Variants in CSMD1 observed in about 807,000 individuals in gnomAD.
CSMD1 encodes CUB and sushi domain-containing protein 1.
In CSMD1, 213 loss-of-function variants were observed where a neutral mutation model predicts 417.5. The ratio of observed to expected loss-of-function variants is 0.51; its 90% CI spans 0.46 to 0.57. The LOEUF is 0.57. CSMD1 is among the 20% of genes least tolerant of loss of function. CSMD1 has a pLI of 0.00. For missense variants in CSMD1, 6,923 were observed against 4,529.7 expected (o/e 1.53, Z -15.17); for synonymous variants, 2,862 against 1,736.8 (o/e 1.65, Z -16.11).
At chr8:4,317,983 T>C (rs1466002212) in intron 3 of CSMD1, among the ~76,000 whole-genome samples, 1 of 152,160 alleles carries the variant, frequency 6.6e-6, no homozygotes, top group Non-Finnish European at 1.5e-5. Flanking sequence ...TAATAGTTAT[T>C]GAATAAATAT....
intron 5 of CSMD1, 123 bp from the exon 6 acceptor site, chr8:3,754,165 C>A: frequency 1.8e-6 from 1 of 567,818 alleles, no homozygotes; most frequent in Non-Finnish European, 3.2e-6. Flanking sequence ...AAACAGAGGC[C>A]ATGTATTAAT....
At chr8:3,315,789 C>G (rs574485080) in intron 23 of CSMD1, among the ~76,000 whole-genome samples, 4 of 152,112 alleles carry the variant, frequency 2.6e-5, no homozygotes, top group Non-Finnish European at 5.9e-5. Flanking sequence ...TTGGAACTGT[C>G]TTATTTTTTA....
intron 3 of CSMD1, among the ~76,000 whole-genome samples, chr8:4,281,275 G>A (rs537242999): frequency 1.2e-4 from 19 of 152,322 alleles, no homozygotes; most frequent in Admixed American, 7.8e-4. Flanking sequence ...ACAGCATTAT[G>A]GGAAAATAGA....
At chr8:3,810,386 G>C (rs1228277762) in intron 5 of CSMD1, among the ~76,000 whole-genome samples, 1 of 152,142 alleles carries the variant, frequency 6.6e-6, no homozygotes, top group African/African-American at 2.4e-5. Context: ...GAAATATGGT[G>C]ACCCTTCAGG....
chr8:4,512,060 A>G (rs1802851675), intron 2 of CSMD1, among the ~76,000 whole-genome samples: 1 of 152,206 alleles, frequency 6.6e-6, no homozygotes, highest in Non-Finnish European at 1.5e-5. Context: ...TAGCAAAATA[A>G]ATTCAACAAC....
intron 12 of CSMD1, among the ~76,000 whole-genome samples, chr8:3,411,223 T>G (rs1331748513): frequency 6.6e-6 from 1 of 152,148 alleles, no homozygotes; most frequent in Non-Finnish European, 1.5e-5. Context: ...AAATTCAGGG[T>G]GGTTTCTCTG....
intron 10 of CSMD1, among the ~76,000 whole-genome samples, chr8:3,554,080 A>T (rs1433443537): frequency 1.3e-5 from 2 of 152,222 alleles, no homozygotes; most frequent in Non-Finnish European, 2.9e-5. Flanking sequence ...CTCGTAGCTT[A>T]TATTATGCGT....
intron 22 of CSMD1, among the ~76,000 whole-genome samples, chr8:3,344,391 C>G (rs1393672231): frequency 6.6e-6 from 1 of 152,130 alleles, no homozygotes. Flanking sequence ...AGCAAATCAC[C>G]ATGGCACATG....
intron 5 of CSMD1, among the ~76,000 whole-genome samples, chr8:3,772,396 C>CATATATTCATATATTTATATATAT (rs1246977888): frequency 4.4e-5 from 3 of 68,410 alleles, no homozygotes; most frequent in Admixed American, 1.6e-4. Flanking sequence ...TTTATATATA[C>CATATATTCATATATTTATATATAT]ACATATATAC....
At chr8:3,553,400 G>A (rs773992582) in intron 10 of CSMD1, among the ~76,000 whole-genome samples, 2 of 152,142 alleles carry the variant, frequency 1.3e-5, no homozygotes, top group Admixed American at 6.5e-5. Context: ...GAGTGTGACA[G>A]ACCCAGCTGA....
intron 12 of CSMD1, among the ~76,000 whole-genome samples, chr8:3,419,989 G>A (rs369362017): frequency 2.2e-4 from 34 of 152,122 alleles, no homozygotes; most frequent in East Asian, 5.8e-4. Flanking sequence ...ATAATCGTTC[G>A]CATCTCCTTA....
chr8:2,976,984 C>A (rs530609737), intron 55 of CSMD1, among the ~76,000 whole-genome samples: 2 of 151,326 alleles, frequency 1.3e-5, no homozygotes, highest in Non-Finnish European at 2.9e-5. Context: ...TTTTTCAGAG[C>A]CATATCCCTT....
In CSMD1 at chr8:4,390,495, A is replaced by ATTTT. The variant is rs1554457294; in HGVS notation, c.415+29454_415+29457dup. The stretch of plus-strand genomic sequence containing the variant: ...AAAACTGTTACCCACAGAAGCGTCC[A>ATTTT]TTTTTATTTATTTATTTATTTATTT... On this transcript the variant is annotated intron_variant, in intron 3 of 69. Coordinates refer to ENST00000635120, the MANE Select transcript of CSMD1 (RefSeq NM_033225.6). 1.9e-4 allele frequency among the ~76,000 whole-genome samples: 5 copies of ATTTT among 26,540 alleles called. No homozygotes were observed. The African/African-American group carries it at 2.0e-3, about 10-fold the overall frequency. The allele number at this position is 26,540 out of a possible 152,430, so 17.4% of individuals were successfully genotyped here. A position where few individuals can be genotyped will look rare whatever the true frequency, so the allele number is the denominator to read the frequency against.
chr8:3,820,563 G>A (rs1013907499), intron 5 of CSMD1, among the ~76,000 whole-genome samples: 1 of 152,088 alleles, frequency 6.6e-6, no homozygotes, highest in Non-Finnish European at 1.5e-5. Flanking sequence ...TCGTTGTTGT[G>A]TTTTTGTTTT....
intron 23 of CSMD1, among the ~76,000 whole-genome samples, chr8:3,314,301 A>G (rs1310892730): frequency 6.6e-6 from 1 of 152,226 alleles, no homozygotes; most frequent in Non-Finnish European, 1.5e-5. Flanking sequence ...TTAATTCTAC[A>G]AAGATATTCT....
chr8:4,203,709 C>G (rs547612138), intron 3 of CSMD1, among the ~76,000 whole-genome samples: 4 of 152,210 alleles, frequency 2.6e-5, no homozygotes, highest in African/African-American at 9.6e-5. Context: ...CAAACATACA[C>G]ACACATACAC....
At chr8:3,356,758 G>T (rs1342899966) in intron 21 of CSMD1, among the ~76,000 whole-genome samples, 11 of 152,216 alleles carry the variant, frequency 7.2e-5, no homozygotes, top group South Asian at 2.1e-4. Context: ...GAGCCCTGGT[G>T]CTCTGTGGGC....
intron 1 of CSMD1, among the ~76,000 whole-genome samples, chr8:4,959,876 G>A (rs1202506511): frequency 6.6e-6 from 1 of 152,134 alleles, no homozygotes; most frequent in South Asian, 2.1e-4. Flanking sequence ...TCAATGAGGT[G>A]AACTCCCTCA....
chr8:4,014,966 T>C (rs1473972795), intron 4 of CSMD1, among the ~76,000 whole-genome samples: 1 of 152,216 alleles, frequency 6.6e-6, no homozygotes, highest in Non-Finnish European at 1.5e-5. Context: ...AATGACGTGC[T>C]TGGCAGAAAA....
Sources: allele counts gnomAD v4.1 joint callset (sites outside exome capture counted in the v4.1 genomes callset), GRCh38; gene constraint gnomAD v4.1.1; transcripts MANE v1.5; gene names NCBI Gene and HGNC (gene_info 2026-07-23, HGNC 2026-07-21).